PDZRN3: variants seen among roughly 807,000 people sequenced by gnomAD.
PDZRN3 encodes the protein E3 ubiquitin-protein ligase PDZRN3.
PDZRN3 carries 38 observed loss-of-function variants against 85.7 expected under a neutral mutation model. The ratio of observed to expected loss-of-function variants is 0.44; its 90% CI spans 0.34 to 0.58. The LOEUF (loss-of-function observed/expected upper bound fraction) is 0.58, where lower values mean the gene tolerates loss of function less well. Ranked by LOEUF, PDZRN3 falls within the 20% of genes least tolerant of loss-of-function variation. PDZRN3 has a pLI of 0.01. For missense variants in PDZRN3, 1,629 were observed against 1,506.4 expected (o/e 1.08, Z -1.35); for synonymous variants, 759 against 638.0 (o/e 1.19, Z -2.86).
At chr3:73,566,940 C>T (rs1374739605) in intron 3 of PDZRN3, among the ~76,000 whole-genome samples, 12 of 152,216 alleles carry the variant, frequency 7.9e-5, no homozygotes, top group Non-Finnish European at 5.9e-5. Flanking sequence ...CAAGGCCACT[C>T]AGCTCCTCTA....
chr3:73,390,865 A>G (rs79782270), intron 6 of PDZRN3, among the ~76,000 whole-genome samples, 153 bp downstream of exon 6: 2,550 of 152,228 alleles, frequency 0.017, 71 homozygotes, highest in African/African-American at 0.057. Context: ...CTCCGTGGAA[A>G]GATGCAGCGC....
At chr3:73,394,394 A>G (rs897169300) in intron 5 of PDZRN3, among the ~76,000 whole-genome samples, 1 of 152,104 alleles carries the variant, frequency 6.6e-6, no homozygotes, top group Non-Finnish European at 1.5e-5. Context: ...CCCATCATAA[A>G]TCCTCTCAGA....
At chr3:73,460,635 A>G (rs1703084230) in intron 3 of PDZRN3, among the ~76,000 whole-genome samples, 2 of 152,226 alleles carry the variant, frequency 1.3e-5, no homozygotes, top group Admixed American at 1.3e-4. Context: ...GCAAAGTTAT[A>G]GCATTGAATA....
chr3:73,532,834 A>C (rs1181662769), intron 3 of PDZRN3, among the ~76,000 whole-genome samples: 1 of 152,192 alleles, frequency 6.6e-6, no homozygotes, highest in Non-Finnish European at 1.5e-5. Flanking sequence ...TCAATGGTCT[A>C]TTGTGGTAAT....
At chr3:73,619,159 C>T (rs956096785) in intron 1 of PDZRN3, among the ~76,000 whole-genome samples, 60 of 152,252 alleles carry the variant, frequency 3.9e-4, no homozygotes, top group African/African-American at 1.3e-3. Context: ...TGGGTCATCA[C>T]GGAGAAACTC....
At chr3:73,483,348 T>A (rs1294602154) in intron 3 of PDZRN3, among the ~76,000 whole-genome samples, 4 of 152,244 alleles carry the variant, frequency 2.6e-5, no homozygotes, top group Non-Finnish European at 2.9e-5. Context: ...TTTAGTTAGA[T>A]GCATTTTTAA....
At chr3:73,588,281 G>A (rs1385902446) in intron 3 of PDZRN3, among the ~76,000 whole-genome samples, 12 of 152,198 alleles carry the variant, frequency 7.9e-5, no homozygotes, top group Non-Finnish European at 1.5e-5. Flanking sequence ...TTTTATGGCT[G>A]CATAGTATTC....
intron 3 of PDZRN3, among the ~76,000 whole-genome samples, chr3:73,420,107 T>C (rs1702170077): frequency 6.6e-6 from 1 of 152,208 alleles, no homozygotes; most frequent in African/African-American, 2.4e-5. Flanking sequence ...AGGACACAGA[T>C]GCACATTAAA....
At chr3:73,398,110 A>ATATT (rs139927307) in intron 5 of PDZRN3, among the ~76,000 whole-genome samples, 5,387 of 152,276 alleles carry the variant, frequency 0.035, 333 homozygotes, top group African/African-American at 0.12. Context: ...CTAGCTTAAA[A>ATATT]TATTAATACC....
intron 3 of PDZRN3, among the ~76,000 whole-genome samples, chr3:73,440,517 G>A (rs532559549): frequency 2.0e-5 from 3 of 152,286 alleles, no homozygotes; most frequent in East Asian, 3.9e-4. Flanking sequence ...GAGGCCTCAC[G>A]GACGCCCCGT....
rs187455708 is a variant in PDZRN3 at position 73,540,052 on chromosome 3, A to G, written c.918+62302T>C. The stretch of plus-strand genomic sequence containing the variant: ...GTGCCGTGTCTCTAACGACTTAGAT[A>G]AAAGTGAGGACAGATGCTCTGAAAA... On this transcript the variant is annotated intron_variant, in intron 3 of 9. Coordinates refer to ENST00000263666, the MANE Select transcript of PDZRN3 (RefSeq NM_015009.3). 3.1e-3 allele frequency among the ~76,000 whole-genome samples: 456 copies of G among 148,674 alleles called. 1 individual carries two copies. Among genetic ancestry groups the G allele is most frequent in the Middle Eastern group, 6.9e-3 (2 of 290 alleles).
At chr3:73,605,338 T>A (rs1273701930) in intron 2 of PDZRN3, among the ~76,000 whole-genome samples, 3 of 152,238 alleles carry the variant, frequency 2.0e-5, no homozygotes, top group Non-Finnish European at 4.4e-5. Flanking sequence ...GAATTTATTT[T>A]GTTTTGCTGC....
rs184738917 is a variant in PDZRN3 at position 73,564,111 on chromosome 3, G to A, written c.918+38243C>T. Among the ~76,000 whole-genome samples, 58 of 152,272 alleles carry A rather than the reference G, an allele frequency of 3.8e-4. 1 individual carries two copies. The highest frequency in any genetic ancestry group is 1.4e-3 in the African/African-American group (58 of 41,536). On this transcript the variant is annotated intron_variant, in intron 3 of 9. Transcript: ENST00000263666. ...TCTCTCTGCCTGAGTCATGCCTTCT[G>A]TAGCCAAACCTGTATAACTCTACAT... is the stretch of plus-strand genomic sequence containing the variant.
chr3:73,508,227 C>G (rs572063426), intron 3 of PDZRN3, among the ~76,000 whole-genome samples: 2 of 152,198 alleles, frequency 1.3e-5, no homozygotes, highest in African/African-American at 4.8e-5. Context: ...CAGCCACCAC[C>G]ATACAACCCC....
chr3:73,599,584 T>C (rs1215529594), intron 3 of PDZRN3, among the ~76,000 whole-genome samples: 1 of 152,264 alleles, frequency 6.6e-6, no homozygotes, highest in Non-Finnish European at 1.5e-5. Flanking sequence ...AATTCTGTTA[T>C]GTATATTTTG....
chr3:73,553,241 C>T (rs559149953), intron 3 of PDZRN3, among the ~76,000 whole-genome samples: 119 of 152,264 alleles, frequency 7.8e-4, no homozygotes, highest in Non-Finnish European at 1.2e-3. Flanking sequence ...ACACGGTTGA[C>T]ACAATGATCT....
At chr3:73,449,817 G>A (rs1702822469) in intron 3 of PDZRN3, among the ~76,000 whole-genome samples, 1 of 152,172 alleles carries the variant, frequency 6.6e-6, no homozygotes, top group Middle Eastern at 3.4e-3. Context: ...TTGACTTCTC[G>A]ACTAAAAAAT....
Position 73,577,927 on chromosome 3 carries a change from C to T in PDZRN3, c.918+24427G>A, listed in dbSNP as rs548341724. ...ACACACCTGTTTGTTTAGGTACTGT[C>T]CATGGTTGCTTTCCCTCTAGAGCAA... On this transcript the variant is annotated intron_variant, in intron 3 of 9. Coordinates refer to ENST00000263666, the MANE Select transcript of PDZRN3 (RefSeq NM_015009.3). Among the ~76,000 whole-genome samples, 3 of 152,206 alleles carry T rather than the reference C, an allele frequency of 2.0e-5. No homozygotes were observed. In the South Asian group the frequency reaches 6.2e-4, roughly 32 times the overall value.
At chr3:73,586,062 C>T in intron 3 of PDZRN3, among the ~76,000 whole-genome samples, 1 of 152,150 alleles carries the variant, frequency 6.6e-6, no homozygotes, top group Non-Finnish European at 1.5e-5. Flanking sequence ...TTAGATTTTA[C>T]AAAACCCAAT....
Sources: gnomAD v4.1 joint callset for allele counts (sites outside exome capture counted in the v4.1 genomes callset) on GRCh38, gnomAD v4.1.1 for gene constraint, MANE v1.5 for transcripts, NCBI Gene and HGNC (gene_info 2026-07-23, HGNC 2026-07-21) for gene names.